Variants in PTPN5 observed in about 807,000 individuals in gnomAD.
The protein encoded by PTPN5 is protein tyrosine phosphatase non-receptor type 5.
PTPN5 carries 29 observed loss-of-function variants against 73.9 expected under a neutral mutation model. That is an observed-to-expected ratio of 0.39 (90% confidence interval 0.29 to 0.54). The LOEUF (loss-of-function observed/expected upper bound fraction) is 0.54. Ranked by LOEUF, PTPN5 falls within the 20% of genes least tolerant of loss-of-function variation. The pLI, the probability that PTPN5 is intolerant of heterozygous loss-of-function variation, is 0.65. For missense variants in PTPN5, 652 were observed against 751.4 expected, an observed-to-expected ratio of 0.87 and a Z score of 1.55; for synonymous variants, 267 against 304.7, an observed-to-expected ratio of 0.88 and a Z score of 1.29.
At position 18,733,714 on chromosome 11, in the gene PTPN5, T is replaced by A. The variant is rs1848995114; in HGVS notation, c.1001-79A>T. On this transcript the variant is annotated intron_variant, in intron 9 of 14. Coordinates refer to ENST00000358540, the MANE Select transcript of PTPN5 (RefSeq NM_006906.2). This position sits in a 1 kb window ranked among gnomAD's most constrained non-coding sequence, Gnocchi z 4.3. The stretch of plus-strand genomic sequence containing the variant: ...CCACTTGCTCTGGCCTATTCCAGCA[T>A]ACCCACACTTCTTCTGCGACATTAG... 1 of 1,214,456 alleles carries A rather than the reference T, an allele frequency of 8.2e-7. No homozygotes were observed. The highest frequency in any genetic ancestry group is 1.2e-6 in the Non-Finnish European group (1 of 819,074). The allele number at this position is 1,214,456 out of a possible 1,614,324, so 75.2% of individuals were successfully genotyped here. A position where few individuals can be genotyped will look rare whatever the true frequency, so the allele number is the denominator to read the frequency against.
chr11:18,740,814 G>C, intron 7 of PTPN5, 22 bp from the exon 8 acceptor site: 1 of 1,464,456 alleles, frequency 6.8e-7, no homozygotes, highest in Non-Finnish European at 9.1e-7. Context: ...AGGAAAGGGA[G>C]TGTGAGCCTC....
At chr11:18,788,545 G>A (rs557139087) in intron 1 of PTPN5, among the ~76,000 whole-genome samples, 12 of 152,248 alleles carry the variant, frequency 7.9e-5, no homozygotes, top group South Asian at 2.1e-4. Context: ...TCCACTCCTC[G>A]AAATAGTTTT....
intron 1 of PTPN5, among the ~76,000 whole-genome samples, chr11:18,775,553 C>T (rs1851108011): frequency 6.6e-6 from 1 of 152,168 alleles, no homozygotes; most frequent in Non-Finnish European, 1.5e-5. Flanking sequence ...GGAAGCAGGC[C>T]TTGGGAGGCT....
chr11:18,741,596 G>C (rs1849367785), intron 7 of PTPN5, among the ~76,000 whole-genome samples: 2 of 152,096 alleles, frequency 1.3e-5, no homozygotes, highest in Admixed American at 1.3e-4. Context: ...TCTGAAACGA[G>C]GGTGTCTACA....
intron 1 of PTPN5, among the ~76,000 whole-genome samples, chr11:18,773,804 A>G (rs1851022663): frequency 6.6e-6 from 1 of 152,210 alleles, no homozygotes; most frequent in South Asian, 2.1e-4. Context: ...TGGGTGTGTC[A>G]ATCAGGTAAG....
intron 4 of PTPN5, 161 bp from the exon 5 acceptor site, chr11:18,743,590 C>T (rs537112923): frequency 1.9e-4 from 123 of 648,578 alleles, no homozygotes; most frequent in Middle Eastern, 8.3e-4. Flanking sequence ...GCTGCGTGCC[C>T]GGGGAGGCCT....
At chr11:18,761,723 G>A (rs992148918) in intron 3 of PTPN5, among the ~76,000 whole-genome samples, 62 of 152,118 alleles carry the variant, frequency 4.1e-4, no homozygotes, top group Non-Finnish European at 3.5e-4. Context: ...AAGAGTGTGC[G>A]TGAAGAAGGG....
In PTPN5 at chr11:18,731,679, G is replaced by C. The variant is rs78480867; in HGVS notation, c.1329+913C>G. 3.7e-3 allele frequency among the ~76,000 whole-genome samples: 559 copies of C among 152,306 alleles called. 4 individuals are homozygous for C. Among genetic ancestry groups the C allele is most frequent in the African/African-American group, 0.013 (532 of 41,560 alleles). The stretch of plus-strand genomic sequence containing the variant: ...GCCCTCCAACAAGACCTGGATCTTA[G>C]AGCTGCTTGTGGGGGCACTGCTCTT... On this transcript the variant is annotated intron_variant, in intron 12 of 14. Coordinates refer to ENST00000358540, the MANE Select transcript of PTPN5 (RefSeq NM_006906.2).
intron 1 of PTPN5, among the ~76,000 whole-genome samples, chr11:18,782,583 T>A (rs1427593126): frequency 6.6e-6 from 1 of 152,212 alleles, no homozygotes; most frequent in East Asian, 1.9e-4. Context: ...TCCACTTATA[T>A]GACGATTAGG....
chr11:18,761,075 C>A (rs1016043566), intron 3 of PTPN5, among the ~76,000 whole-genome samples: 2 of 152,176 alleles, frequency 1.3e-5, no homozygotes, highest in Non-Finnish European at 2.9e-5. Flanking sequence ...TGCCCACATG[C>A]ATGCACGCAA....
intron 1 of PTPN5, among the ~76,000 whole-genome samples, chr11:18,786,155 C>T (rs896638967): frequency 6.6e-6 from 1 of 152,108 alleles, no homozygotes; most frequent in Non-Finnish European, 1.5e-5. Flanking sequence ...CACATCTCAC[C>T]AGATGCAGAA....
At chr11:18,789,672 T>C (rs1469269535) in intron 1 of PTPN5, among the ~76,000 whole-genome samples, 1 of 152,224 alleles carries the variant, frequency 6.6e-6, no homozygotes, top group Non-Finnish European at 1.5e-5. Context: ...GAGACTATGA[T>C]TCTAAGTGAA....
chr11:18,751,037 G>A (rs181128780), intron 3 of PTPN5, among the ~76,000 whole-genome samples: 13 of 152,274 alleles, frequency 8.5e-5, no homozygotes, highest in East Asian at 7.7e-4. Context: ...TGAGAAGGGC[G>A]GAGTGGTGGA....
chr11:18,769,637 AGGT>A (rs144125173), intron 2 of PTPN5, among the ~76,000 whole-genome samples: 2,661 of 152,316 alleles, frequency 0.017, 81 homozygotes, highest in African/African-American at 0.06. Flanking sequence ...TCCTGACTTC[AGGT>A]GATCCTGCTT....
chr11:18,774,499 T>A (rs116575758), intron 1 of PTPN5, among the ~76,000 whole-genome samples: 2,199 of 152,300 alleles, frequency 0.014, 48 homozygotes, highest in African/African-American at 0.05. Context: ...TTTACCAGCT[T>A]CCCCCTGTAC....
chr11:18,729,870 A>C lies in PTPN5; in HGVS notation c.1330-52T>G. The C allele has an allele frequency of 6.2e-7, 1 of 1,609,518 alleles. No individual in the cohort carries two copies. The highest frequency in any genetic ancestry group is 8.5e-7 in the Non-Finnish European group (1 of 1,175,838). On this transcript the variant is annotated intron_variant, in intron 12 of 14. Coordinates refer to ENST00000358540, the MANE Select transcript of PTPN5 (RefSeq NM_006906.2). The surrounding 1 kb of genome is among the most constrained non-coding windows in gnomAD (Gnocchi z 5.2). Reference sequence around the variant, plus strand: ...AGGTATGTGTGAACTCTTTCAGCTCACAAACCAGCCCAGAGATAGAGATGA... The same window carrying C: ...AGGTATGTGTGAACTCTTTCAGCTCCCAAACCAGCCCAGAGATAGAGATGA...
intron 8 of PTPN5, among the ~76,000 whole-genome samples, chr11:18,738,166 GATA>G (rs1474926743): frequency 6.6e-6 from 1 of 152,222 alleles, no homozygotes; most frequent in Non-Finnish European, 1.5e-5. Flanking sequence ...TAATAAATAT[GATA>G]ATGACTATTG....
intron 1 of PTPN5, among the ~76,000 whole-genome samples, chr11:18,777,975 GAAGAAAGA>G (rs55648455): frequency 6.1e-4 from 89 of 145,720 alleles, no homozygotes; most frequent in Non-Finnish European, 9.8e-4. Context: ...AGGAAGGAAG[GAAGAAAGA>G]AAGAAAGAAA....
At chr11:18,739,000 C>T (rs1217900076) in intron 8 of PTPN5, among the ~76,000 whole-genome samples, 2 of 151,316 alleles carry the variant, frequency 1.3e-5, no homozygotes, top group African/African-American at 4.9e-5. Flanking sequence ...AAAAGTTCAC[C>T]TATGAGTCTG....
Sources: gnomAD v4.1 joint callset for allele counts (sites outside exome capture counted in the v4.1 genomes callset) on GRCh38, gnomAD v4.1.1 for gene constraint, Gnocchi (gnomAD v3.1) non-coding constraint, MANE v1.5 for transcripts, NCBI Gene and HGNC (gene_info 2026-07-23, HGNC 2026-07-21) for gene names.